The following KLF3 variants were observed in gnomAD, a reference collection of about 807,000 sequenced individuals.
KLF3 encodes KLF transcription factor 3.
In KLF3, 6 loss-of-function variants were observed where a neutral mutation model predicts 32.7. The observed-to-expected ratio is 0.18, with a 90% CI of 0.10 to 0.36. The LOEUF (loss-of-function observed/expected upper bound fraction) is 0.36. Among genes scored for constraint, KLF3 ranks in the 10% least tolerant of loss-of-function variants. KLF3 has a pLI of 1.00. For missense variants in KLF3, 338 were observed against 449.7 expected (o/e 0.75, Z 2.25); for synonymous variants, 145 against 172.8 (o/e 0.84, Z 1.26).
chr4:38,696,051 G>A (rs930020410), intron 5 of KLF3, among the ~76,000 whole-genome samples: 1 of 152,038 alleles, frequency 6.6e-6, no homozygotes, highest in African/African-American at 2.4e-5. Context: ...CTAGAGCAAC[G>A]CCCAAACAGC....
chr4:38,695,011 C>A, intron 5 of KLF3, 105 bp downstream of exon 5: 1 of 981,008 alleles, frequency 1.0e-6, no homozygotes, highest in Non-Finnish European at 1.5e-6. Flanking sequence ...AAAGTCACCA[C>A]AGTCATCTCC....
chr4:38,695,515 A>G (rs1367775634), intron 5 of KLF3, among the ~76,000 whole-genome samples: 2 of 152,172 alleles, frequency 1.3e-5, no homozygotes, highest in African/African-American at 4.8e-5. Flanking sequence ...GGCCGAGAAA[A>G]ATGTGAAATT....
intron 4 of KLF3, among the ~76,000 whole-genome samples, chr4:38,694,153 T>C (rs1722975825): frequency 6.6e-6 from 1 of 152,146 alleles, no homozygotes; most frequent in Non-Finnish European, 1.5e-5. Context: ...CATTTGAAAA[T>C]TGCACATGAA....
chr4:38,664,979 C>A (rs1175462122), intron 1 of KLF3: 1 of 148,374 alleles, frequency 6.7e-6, no homozygotes, highest in Non-Finnish European at 1.5e-5. Flanking sequence ...TCCTTCCCCT[C>A]CCCTCCCTCC....
In KLF3 at chr4:38,699,023, T is replaced by G. The variant is rs1723128718; in HGVS notation, c.*1760T>G. Reference sequence around the variant, plus strand: ...TGTGAATTGTGTGGGGAGCTTGCTTTGATGGCACTGTGTTAATAAAAGTTG... The same window carrying G: ...TGTGAATTGTGTGGGGAGCTTGCTTGGATGGCACTGTGTTAATAAAAGTTG... On this transcript the variant is annotated 3_prime_UTR_variant, in exon 6 of 6. Coordinates refer to ENST00000261438, the MANE Select transcript of KLF3 (RefSeq NM_016531.6). 1 of 152,204 alleles carries G rather than the reference T, an allele frequency of 6.6e-6. No homozygotes were observed. The highest frequency in any genetic ancestry group is 1.5e-5 in the Non-Finnish European group (1 of 68,038). 9.4% of individuals were successfully genotyped at this position (152,204 alleles called of 1,614,324 possible).
chr4:38,682,958 T>C (rs949785195), intron 2 of KLF3, among the ~76,000 whole-genome samples: 2 of 152,162 alleles, frequency 1.3e-5, no homozygotes, highest in African/African-American at 4.8e-5. Flanking sequence ...CAGCAGGAAG[T>C]ATTTTTTTCT....
At chr4:38,685,113 A>G (rs1163783598) in intron 2 of KLF3, among the ~76,000 whole-genome samples, 2 of 152,174 alleles carry the variant, frequency 1.3e-5, no homozygotes, top group African/African-American at 4.8e-5. Flanking sequence ...GAACATAGGA[A>G]CTGTCTGGAA....
At chr4:38,683,190 G>A (rs1411386536) in intron 2 of KLF3, among the ~76,000 whole-genome samples, 2 of 152,000 alleles carry the variant, frequency 1.3e-5, no homozygotes, top group African/African-American at 2.4e-5. Context: ...TCAAGTCAAC[G>A]TTGTAAACAT....
rs1330240897 is a variant in KLF3, at chr4:38,699,091, G to A, written c.*1828G>A. 2 of 152,152 alleles carry A rather than the reference G, an allele frequency of 1.3e-5. No individual in the cohort carries two copies. Among genetic ancestry groups the A allele is most frequent in the African/African-American group, 2.4e-5 (1 of 41,426 alleles). The allele number at this position is 152,152 out of a possible 1,614,324, so 9.4% of individuals were successfully genotyped here. On this transcript the variant is annotated 3_prime_UTR_variant, in exon 6 of 6. Transcript: ENST00000261438. ...AGAGGCTAAGAGGTCCCACTCATCC[G>A]CCCTGTGAACCAGCTGTAAAGAAAT...
At chr4:38,666,376 T>C (rs933904915) in intron 1 of KLF3, among the ~76,000 whole-genome samples, 2 of 151,976 alleles carry the variant, frequency 1.3e-5, no homozygotes, top group African/African-American at 4.8e-5. Flanking sequence ...GCTCTTTTTT[T>C]CCTTTTTTTT....
At chr4:38,691,092 C>CA (rs1035626573) in intron 4 of KLF3, among the ~76,000 whole-genome samples, 7 of 151,878 alleles carry the variant, frequency 4.6e-5, no homozygotes, top group South Asian at 2.1e-4. Flanking sequence ...CCTCTTACCT[C>CA]AAAAAAAACC....
chr4:38,695,556 A>C (rs1219585985), intron 5 of KLF3, among the ~76,000 whole-genome samples: 2 of 152,182 alleles, frequency 1.3e-5, no homozygotes. Flanking sequence ...TGGTAGTAAA[A>C]CATCTTAAGG....
At chr4:38,686,616 G>A (rs1000762593) in intron 2 of KLF3, among the ~76,000 whole-genome samples, 2 of 152,134 alleles carry the variant, frequency 1.3e-5, no homozygotes, top group Non-Finnish European at 2.9e-5. Context: ...GAGTGCTCCA[G>A]GGAGATGGAT....
rs1409262937 is a variant in KLF3 at position 38,688,567 on chromosome 4, C to T, written c.58-18C>T. Reference sequence around the variant, plus strand: ...ACTTATTTGGCTGTTGACACGTTTTCCTTTTCTTTTCTAATAGTCATACCC... The same window carrying T: ...ACTTATTTGGCTGTTGACACGTTTTTCTTTTCTTTTCTAATAGTCATACCC... On this transcript the variant is annotated intron_variant, in intron 2 of 5. Transcript: ENST00000261438. The surrounding 1 kb of genome is among the most constrained non-coding windows in gnomAD (Gnocchi z 4.9). The T allele has an allele frequency of 1.2e-5, 18 of 1,556,164 alleles. No homozygotes were observed. Among genetic ancestry groups the T allele is most frequent in the South Asian group, 3.5e-5 (3 of 84,774 alleles).
At chr4:38,694,531 C>T (rs553096035) in intron 4 of KLF3, among the ~76,000 whole-genome samples, 2 of 152,296 alleles carry the variant, frequency 1.3e-5, no homozygotes, top group East Asian at 3.9e-4. Context: ...GTCCCGGTGC[C>T]AAGCACAGTG....
chr4:38,677,002 C>T (rs994069567), intron 1 of KLF3, among the ~76,000 whole-genome samples: 15 of 140,440 alleles, frequency 1.1e-4, no homozygotes, highest in South Asian at 2.2e-4. Flanking sequence ...GCTTTTGTTG[C>T]CCAAGCTGAG....
In KLF3 at chr4:38,674,137, G is replaced by A. The variant is rs1034287195; in HGVS notation, c.-39-6450G>A. ...TAGGACAGGTGAAAATCACAGAGTG[G>A]CATGAAAATTTCCAAGAATGTCTAG... On this transcript the variant is annotated intron_variant, in intron 1 of 5. Transcript: ENST00000261438. This position sits in a 1 kb window ranked among gnomAD's most constrained non-coding sequence, Gnocchi z 4.1. Among the ~76,000 whole-genome samples, 4 of 152,140 alleles carry A rather than the reference G, an allele frequency of 2.6e-5. No homozygotes were observed. Among genetic ancestry groups the A allele is most frequent in the Non-Finnish European group, 1.5e-5 (1 of 68,030 alleles).
At chr4:38,675,299 A>G (rs575662477) in intron 1 of KLF3, among the ~76,000 whole-genome samples, 1 of 152,312 alleles carries the variant, frequency 6.6e-6, no homozygotes, top group Non-Finnish European at 1.5e-5. Context: ...CCAGTTATGG[A>G]AAATTATTTT....
chr4:38,683,902 G>A (rs534672514), intron 2 of KLF3, among the ~76,000 whole-genome samples: 1 of 152,212 alleles, frequency 6.6e-6, no homozygotes, highest in African/African-American at 2.4e-5. Flanking sequence ...GCTTTTTCAA[G>A]CCTGGTGGAA....
Sources: gnomAD v4.1 joint callset for allele counts (sites outside exome capture counted in the v4.1 genomes callset) on GRCh38, gnomAD v4.1.1 for gene constraint, Gnocchi (gnomAD v3.1) non-coding constraint, MANE v1.5 for transcripts, NCBI Gene and HGNC (gene_info 2026-07-23, HGNC 2026-07-21) for gene names.